The following FLI1 variants were observed in gnomAD, a reference collection of about 807,000 sequenced individuals.
The protein encoded by FLI1 is Friend leukemia integration 1 transcription factor.
A neutral mutation model predicts 53.1 loss-of-function variants in FLI1; 13 were observed. That is an observed-to-expected ratio of 0.24 (90% confidence interval 0.16 to 0.39). The LOEUF is 0.39. FLI1 is among the 10% of genes least tolerant of loss of function. FLI1 has a pLI of 1.00. For missense variants in FLI1, 424 were observed against 600.5 expected (o/e 0.71, Z 3.07); for synonymous variants, 244 against 236.7 (o/e 1.03, Z -0.28).
chr11:128,729,553 C>T (rs1008514914), intron 1 of FLI1, among the ~76,000 whole-genome samples: 1 of 152,114 alleles, frequency 6.6e-6, no homozygotes, highest in African/African-American at 2.4e-5. Flanking sequence ...TGGCACTGCC[C>T]GGGGGAAACA....
intron 1 of FLI1, 85 bp from the exon 2 acceptor site, chr11:128,758,030 G>A (rs1940960609): frequency 1.6e-6 from 2 of 1,249,830 alleles, no homozygotes; most frequent in Admixed American, 2.1e-5. Context: ...GCAGCCCTGG[G>A]CCACCTTGCC....
At chr11:128,738,012 A>G (rs1282555146) in intron 1 of FLI1, among the ~76,000 whole-genome samples, 2 of 152,194 alleles carry the variant, frequency 1.3e-5, no homozygotes, top group East Asian at 1.9e-4. Flanking sequence ...GATCAACAAG[A>G]CGAGGTTCTA....
intron 1 of FLI1, among the ~76,000 whole-genome samples, chr11:128,698,985 CA>C (rs1273583075): frequency 9.9e-5 from 15 of 151,978 alleles, no homozygotes; most frequent in African/African-American, 3.6e-4. Context: ...AGGAGACAAC[CA>C]AAAATATAGT....
At chr11:128,764,986 C>T (rs1041262992) in intron 2 of FLI1, among the ~76,000 whole-genome samples, 1 of 151,258 alleles carries the variant, frequency 6.6e-6, no homozygotes, top group Non-Finnish European at 1.5e-5. Context: ...AGGAGAAACA[C>T]CCTGGCGGGC....
At chr11:128,766,114 G>C (rs1459116865) in intron 2 of FLI1, among the ~76,000 whole-genome samples, 1 of 152,234 alleles carries the variant, frequency 6.6e-6, no homozygotes, top group East Asian at 1.9e-4. Flanking sequence ...ATGTGTGTGA[G>C]TGTGTGCCTG....
At chr11:128,745,084 A>T (rs1940321172) in intron 1 of FLI1, among the ~76,000 whole-genome samples, 1 of 152,236 alleles carries the variant, frequency 6.6e-6, no homozygotes, top group African/African-American at 2.4e-5. Flanking sequence ...GCATATGTAT[A>T]TTAAATGTAC....
intron 1 of FLI1, among the ~76,000 whole-genome samples, chr11:128,754,837 C>T (rs545758401): frequency 3.3e-5 from 5 of 152,344 alleles, no homozygotes; most frequent in Admixed American, 6.5e-5. Flanking sequence ...GAGGCATTCC[C>T]GGTGAACCGG....
At chr11:128,742,294 T>G (rs1490947888) in intron 1 of FLI1, among the ~76,000 whole-genome samples, 1 of 152,216 alleles carries the variant, frequency 6.6e-6, no homozygotes, top group Non-Finnish European at 1.5e-5. Flanking sequence ...CATAGACATA[T>G]TCCTGGCTTT....
chr11:128,797,760 C>T (rs561273583), intron 5 of FLI1, among the ~76,000 whole-genome samples: 31 of 152,140 alleles, frequency 2.0e-4, no homozygotes, highest in Admixed American at 2.6e-4. Context: ...TTGGTGATGG[C>T]GAGGGGCAAG....
chr11:128,698,056 C>T (rs1226354677), intron 1 of FLI1, among the ~76,000 whole-genome samples: 2 of 152,120 alleles, frequency 1.3e-5, no homozygotes, highest in African/African-American at 4.8e-5. Flanking sequence ...CAGCACCAAC[C>T]ACACAGCCAG....
At chr11:128,692,230 A>C (rs1406655080), upstream of FLI1, 1 of 152,140 alleles carries the variant, frequency 6.6e-6, no homozygotes, top group Non-Finnish European at 1.5e-5. Context: ...GAGGAGTGAG[A>C]GGGCAGGCAG....
chr11:128,777,823 G>A (rs1020692678), intron 4 of FLI1, among the ~76,000 whole-genome samples: 2 of 146,696 alleles, frequency 1.4e-5, no homozygotes, highest in Middle Eastern at 3.3e-3. Context: ...CAAAGGCTTT[G>A]GCACTGGGAC....
chr11:128,755,534 G>A (rs1328778518), intron 1 of FLI1, among the ~76,000 whole-genome samples: 2 of 152,190 alleles, frequency 1.3e-5, no homozygotes, highest in African/African-American at 4.8e-5. Context: ...CTGAAAGGTT[G>A]CAATGTCACC....
At chr11:128,688,652 A>G (rs1388857049) in intron 1 of FLI1, among the ~76,000 whole-genome samples, 1 of 152,172 alleles carries the variant, frequency 6.6e-6, no homozygotes, top group African/African-American at 2.4e-5. Context: ...CGATCTGAAC[A>G]GTGGTCTGGG....
At chr11:128,705,122 T>C (rs1409404342) in intron 1 of FLI1, among the ~76,000 whole-genome samples, 1 of 152,250 alleles carries the variant, frequency 6.6e-6, no homozygotes, top group Non-Finnish European at 1.5e-5. Context: ...CATCTCCATA[T>C]AGTTTAGGCT....
chr11:128,776,806 G>T (rs951030690), intron 4 of FLI1, among the ~76,000 whole-genome samples: 6 of 152,156 alleles, frequency 3.9e-5, no homozygotes, highest in African/African-American at 1.4e-4. Flanking sequence ...TGGAGTCCCA[G>T]TCCCTGGCCT....
At chr11:128,731,194 C>T (rs906509047) in intron 1 of FLI1, among the ~76,000 whole-genome samples, 1 of 152,230 alleles carries the variant, frequency 6.6e-6, no homozygotes, top group Non-Finnish European at 1.5e-5. Flanking sequence ...CCATAAGCCA[C>T]ACGGTGACAT....
At chr11:128,687,386 G>A (rs565144851) in intron 1 of FLI1, among the ~76,000 whole-genome samples, 45 of 152,264 alleles carry the variant, frequency 3.0e-4, no homozygotes, top group African/African-American at 1.0e-3. Context: ...GTGCGCACCA[G>A]GAGGCCCTGC....
At chr11:128,735,335 G>A (rs1939874942) in intron 1 of FLI1, among the ~76,000 whole-genome samples, 1 of 152,206 alleles carries the variant, frequency 6.6e-6, no homozygotes, top group Non-Finnish European at 1.5e-5. Flanking sequence ...AACCAGCCTA[G>A]GACTTTGTTC....
Sources: gnomAD v4.1 joint callset for allele counts (sites outside exome capture counted in the v4.1 genomes callset) on GRCh38, gnomAD v4.1.1 for gene constraint, MANE v1.5 for transcripts, NCBI Gene and HGNC (gene_info 2026-07-23, HGNC 2026-07-21) for gene names.